TLE1: variants seen among roughly 807,000 people sequenced by gnomAD.
The protein encoded by TLE1 is TLE family member 1, transcriptional corepressor.
A neutral mutation model predicts 89.8 loss-of-function variants in TLE1; 21 were observed. The observed-to-expected ratio is 0.23, with a 90% confidence interval of 0.17 to 0.34. The LOEUF is 0.34. Among genes scored for constraint, TLE1 ranks in the 10% least tolerant of loss-of-function variants. The pLI, the probability that TLE1 is intolerant of heterozygous loss-of-function variation, is 1.00. For synonymous variants in TLE1, 447 were observed against 407.6 expected (o/e 1.10, Z -1.16); for missense variants, 795 against 1,031.2 (o/e 0.77, Z 3.14).
At chr9:81,599,331 C>CAT (rs1830613861) in intron 14 of TLE1, among the ~76,000 whole-genome samples, 1 of 152,124 alleles carries the variant, frequency 6.6e-6, no homozygotes, top group Non-Finnish European at 1.5e-5. Context: ...TTAGCTTCCA[C>CAT]ATCAGCACTA....
chr9:81,622,878 A>AT (rs1346350006), intron 8 of TLE1, among the ~76,000 whole-genome samples: 1 of 152,138 alleles, frequency 6.6e-6, no homozygotes, highest in East Asian at 1.9e-4. Flanking sequence ...AGACCCAGGG[A>AT]TCCCTGGCCC....
intron 4 of TLE1, among the ~76,000 whole-genome samples, chr9:81,671,112 G>A (rs1480840618): frequency 6.6e-6 from 1 of 152,168 alleles, no homozygotes; most frequent in South Asian, 2.1e-4. Flanking sequence ...TGACTGCGGT[G>A]AACTGAGATC....
At chr9:81,620,143 C>A (rs1034406515) in intron 9 of TLE1, among the ~76,000 whole-genome samples, 7 of 152,102 alleles carry the variant, frequency 4.6e-5, no homozygotes, top group Admixed American at 3.3e-4. Flanking sequence ...GCGGGGGGCC[C>A]GGGGGACTCC....
intron 14 of TLE1, among the ~76,000 whole-genome samples, chr9:81,600,965 T>G (rs935629960): frequency 1.3e-5 from 2 of 152,186 alleles, no homozygotes. Flanking sequence ...CTGCGCCAGC[T>G]TTCCCGGGCC....
intron 5 of TLE1, among the ~76,000 whole-genome samples, chr9:81,652,949 A>G (rs1212178039): frequency 6.6e-6 from 1 of 152,048 alleles, no homozygotes; most frequent in East Asian, 1.9e-4. Context: ...ACCCTCCACA[A>G]GGCAAAGGAA....
intron 11 of TLE1, among the ~76,000 whole-genome samples, chr9:81,614,117 C>T (rs1179391061): frequency 2.0e-5 from 3 of 151,964 alleles, no homozygotes; most frequent in African/African-American, 7.3e-5. Context: ...ACCATGTTAG[C>T]CAGGATGGTC....
chr9:81,585,728 G>C, intron 17 of TLE1, 73 bp from the exon 18 acceptor site: 1 of 1,556,732 alleles, frequency 6.4e-7, no homozygotes, highest in South Asian at 1.2e-5. Flanking sequence ...AATGTGAAAA[G>C]TGGGGAAATA....
intron 14 of TLE1, among the ~76,000 whole-genome samples, chr9:81,603,727 C>CGTG (rs533286045): frequency 1.3e-5 from 2 of 152,146 alleles, no homozygotes; most frequent in Non-Finnish European, 2.9e-5. Flanking sequence ...CAAGGTCAGG[C>CGTG]GTGGTGGCTC....
At chr9:81,590,714 G>A in intron 16 of TLE1, 91 bp downstream of exon 16, 1 of 1,544,434 alleles carries the variant, frequency 6.5e-7, no homozygotes, top group South Asian at 1.3e-5. Context: ...GGCTCTTATT[G>A]TGTGGGCTGC....
intron 4 of TLE1, among the ~76,000 whole-genome samples, chr9:81,667,462 A>G (rs1400272645): frequency 6.6e-6 from 1 of 151,958 alleles, no homozygotes; most frequent in Non-Finnish European, 1.5e-5. Flanking sequence ...ATCTTCAGCC[A>G]ATCTAGATGG....
chr9:81,675,827 A>C (rs1832837968), intron 4 of TLE1, among the ~76,000 whole-genome samples: 1 of 151,086 alleles, frequency 6.6e-6, no homozygotes, highest in Admixed American at 6.6e-5. Flanking sequence ...CAGCCTCCCG[A>C]GTAGCTGGGA....
chr9:81,623,649 G>A (rs1048949873), intron 8 of TLE1, among the ~76,000 whole-genome samples: 2 of 150,560 alleles, frequency 1.3e-5, no homozygotes, highest in South Asian at 2.1e-4. Flanking sequence ...AAAATTAGCC[G>A]GGTGGTGGTA....
In TLE1 at chr9:81,621,442, G is replaced by A. The variant is rs117967309; in HGVS notation, c.595-885C>T. On this transcript the variant is annotated intron_variant, in intron 8 of 19. Transcript: ENST00000376499. ...GCAATTTGTTCAGTGATGTGTTACT[G>A]CCCTGAACAATGTTGAATGAGCTGT... Among the ~76,000 whole-genome samples, 1,427 of 152,218 alleles carry A rather than the reference G, an allele frequency of 9.4e-3. 13 individuals are homozygous for A. Among genetic ancestry groups the A allele is most frequent in the Admixed American group, 0.015 (233 of 15,288 alleles).
intron 4 of TLE1, among the ~76,000 whole-genome samples, chr9:81,668,106 G>A (rs1010618948): frequency 2.0e-5 from 3 of 151,624 alleles, no homozygotes; most frequent in African/African-American, 4.9e-5. Flanking sequence ...CGGAGGTCGC[G>A]ATGAGCCGAG....
chr9:81,600,958 C>A (rs191838250), intron 14 of TLE1, among the ~76,000 whole-genome samples: 1 of 152,298 alleles, frequency 6.6e-6, no homozygotes, highest in Admixed American at 6.5e-5. Flanking sequence ...AGTAGAACTG[C>A]GCCAGCTTTC....
At chr9:81,592,944 A>G in intron 15 of TLE1, 81 bp downstream of exon 15, 2 of 1,528,456 alleles carry the variant, frequency 1.3e-6, no homozygotes, top group East Asian at 4.6e-5. Flanking sequence ...TAATGGGAAT[A>G]AAACCCAGGC....
chr9:81,596,721 C>T (rs1385500340), intron 14 of TLE1, among the ~76,000 whole-genome samples: 1 of 152,138 alleles, frequency 6.6e-6, no homozygotes, highest in African/African-American at 2.4e-5. Flanking sequence ...ATTTCGAACA[C>T]AGGCAAAATT....
At chr9:81,606,535 C>T (rs1441815518) in intron 14 of TLE1, among the ~76,000 whole-genome samples, 1 of 152,088 alleles carries the variant, frequency 6.6e-6, no homozygotes, top group Non-Finnish European at 1.5e-5. Context: ...GGACAGAAAA[C>T]CAAACACTGC....
chr9:81,686,142 A>C (rs1212149686), intron 2 of TLE1, among the ~76,000 whole-genome samples: 2 of 152,140 alleles, frequency 1.3e-5, no homozygotes, highest in Non-Finnish European at 2.9e-5. Context: ...GAATGAAAAA[A>C]ATCTGTCAGA....
Sources: gnomAD v4.1 joint callset for allele counts (sites outside exome capture counted in the v4.1 genomes callset) on GRCh38, gnomAD v4.1.1 for gene constraint, MANE v1.5 for transcripts, NCBI Gene and HGNC (gene_info 2026-07-23, HGNC 2026-07-21) for gene names.